SLCO1A2: variants seen among roughly 807,000 people sequenced by gnomAD.
SLCO1A2 encodes the protein solute carrier organic anion transporter family member 1A2.
Under a neutral mutation model 69.0 loss-of-function variants are expected in SLCO1A2, and 67 were observed. That is an observed-to-expected ratio of 0.97 (90% CI 0.80 to 1.19). The LOEUF is 1.19. Among genes scored for constraint, SLCO1A2 ranks in the 50% most tolerant of loss-of-function variants. The probability of loss-of-function intolerance (pLI) is 0.00; values close to 1 mark genes in which losing one functional copy is unlikely to be tolerated. For synonymous variants in SLCO1A2, 260 were observed against 265.9 expected (o/e 0.98, Z 0.22); for missense variants, 787 against 793.7 (o/e 0.99, Z 0.10).
upstream of SLCO1A2, among the ~76,000 whole-genome samples, chr12:21,398,785 C>A (rs1378294091): frequency 1.3e-5 from 2 of 149,838 alleles, no homozygotes; most frequent in Admixed American, 1.3e-4. Context: ...ACATGATTAT[C>A]TCAATAGATG....
chr12:21,308,980 A>G (rs1335191085), intron 4 of SLCO1A2, among the ~76,000 whole-genome samples: 1 of 152,240 alleles, frequency 6.6e-6, no homozygotes, highest in Non-Finnish European at 1.5e-5. Context: ...CCAGAGACCA[A>G]GAAGAAAGAT....
intron 4 of SLCO1A2, among the ~76,000 whole-genome samples, chr12:21,310,614 G>T (rs1374042745): frequency 6.6e-6 from 1 of 152,152 alleles, no homozygotes; most frequent in Non-Finnish European, 1.5e-5. Flanking sequence ...GTTGTTGTTT[G>T]TTTTTGAGAC....
chr12:21,392,458 A>G (rs1007735129), intron 1 of SLCO1A2, among the ~76,000 whole-genome samples: 4 of 152,182 alleles, frequency 2.6e-5, no homozygotes, highest in Admixed American at 2.0e-4. Flanking sequence ...TGTGTCTCCC[A>G]AACTGCAGAG....
chr12:21,402,100 T>G (rs991012876), intron 1 of SLCO1A2, among the ~76,000 whole-genome samples: 1 of 146,042 alleles, frequency 6.8e-6, no homozygotes, highest in Non-Finnish European at 1.5e-5. Flanking sequence ...AAAATAAGAG[T>G]AATGTTAGGT....
chr12:21,362,726 C>CA (rs1447870874), intron 2 of SLCO1A2, among the ~76,000 whole-genome samples: 3 of 151,476 alleles, frequency 2.0e-5, no homozygotes, highest in African/African-American at 7.3e-5. Context: ...AAATGGAAAA[C>CA]AAAAAAAGGC....
At chr12:21,398,557 G>A (rs1244029237), upstream of SLCO1A2, among the ~76,000 whole-genome samples, 3 of 151,896 alleles carry the variant, frequency 2.0e-5, no homozygotes, top group East Asian at 5.8e-4. Flanking sequence ...CCAAAGCCAG[G>A]CAGAGACACA....
chr12:21,362,626 C>T (rs902948292), intron 2 of SLCO1A2, among the ~76,000 whole-genome samples: 3 of 152,044 alleles, frequency 2.0e-5, no homozygotes, highest in African/African-American at 4.8e-5. Flanking sequence ...AGAGTCAAGA[C>T]GCATCAGTGT....
chr12:21,299,768 G>A (rs375633979), intron 8 of SLCO1A2, among the ~76,000 whole-genome samples: 8 of 113,792 alleles, frequency 7.0e-5, no homozygotes, highest in Admixed American at 6.7e-4. Flanking sequence ...ATATATACGT[G>A]TGTATATATA....
At chr12:21,419,467 C>T (rs1038075256), upstream of SLCO1A2, 1 of 153,060 alleles carries the variant, frequency 6.5e-6, no homozygotes, top group African/African-American at 2.4e-5. Flanking sequence ...CGGACGGCAC[C>T]TGGAAAATCG....
At chr12:21,282,334 A>G (rs948048084) in intron 12 of SLCO1A2, among the ~76,000 whole-genome samples, 1 of 152,106 alleles carries the variant, frequency 6.6e-6, no homozygotes, top group Admixed American at 6.5e-5. Flanking sequence ...GAATAAAACC[A>G]TATGATCATT....
chr12:21,343,965 A>C (rs1179036940), intron 2 of SLCO1A2, among the ~76,000 whole-genome samples: 2 of 152,154 alleles, frequency 1.3e-5, no homozygotes, highest in African/African-American at 2.4e-5. Context: ...TGGCTGAAGA[A>C]AAGCAAAGGA....
upstream of SLCO1A2, among the ~76,000 whole-genome samples, chr12:21,400,156 C>A (rs1288776430): frequency 1.3e-5 from 2 of 152,102 alleles, no homozygotes; most frequent in African/African-American, 2.4e-5. Context: ...CCAGAATCTA[C>A]AATGGGCTCA....
At chr12:21,305,922 C>A (rs999435698) in intron 5 of SLCO1A2, among the ~76,000 whole-genome samples, 1 of 152,228 alleles carries the variant, frequency 6.6e-6, no homozygotes, top group African/African-American at 2.4e-5. Flanking sequence ...TCAGAGTCAT[C>A]TCCAGACCAA....
chr12:21,347,475 CT>C (rs897612007), intron 2 of SLCO1A2, among the ~76,000 whole-genome samples: 4 of 151,826 alleles, frequency 2.6e-5, no homozygotes, highest in Non-Finnish European at 4.4e-5. Flanking sequence ...GTGAAACCCC[CT>C]CTCTACTAAA....
At chr12:21,274,268 T>C in intron 14 of SLCO1A2, 1 of 484,994 alleles carries the variant, frequency 2.1e-6, no homozygotes, top group Admixed American at 3.3e-5. Context: ...TATGCTTATA[T>C]TTACCAAGCA....
chr12:21,334,524 C>T, intron 2 of SLCO1A2, 64 bp downstream of exon 2: 1 of 1,193,008 alleles, frequency 8.4e-7, no homozygotes, highest in Non-Finnish European at 1.2e-6. Flanking sequence ...GCAATTTTAC[C>T]AGGACTGTCG....
At chr12:21,272,678 A>C (rs772507280) in intron 14 of SLCO1A2, among the ~76,000 whole-genome samples, 8 of 152,052 alleles carry the variant, frequency 5.3e-5, no homozygotes, top group Non-Finnish European at 8.8e-5. Flanking sequence ...TCTATCTCTT[A>C]CAAACAACAT....
chr12:21,323,714 C>T (rs142381747), intron 2 of SLCO1A2, among the ~76,000 whole-genome samples: 111 of 152,288 alleles, frequency 7.3e-4, no homozygotes, highest in Middle Eastern at 6.8e-3. Context: ...TTTAATTCTA[C>T]AAATAGCATG....
intron 1 of SLCO1A2, among the ~76,000 whole-genome samples, chr12:21,393,132 C>T (rs1315544960): frequency 6.6e-6 from 1 of 152,128 alleles, no homozygotes; most frequent in East Asian, 1.9e-4. Flanking sequence ...AGTTAATTTT[C>T]TAACAGAAGA....
Sources: allele counts gnomAD v4.1 joint callset (sites outside exome capture counted in the v4.1 genomes callset), GRCh38; gene constraint gnomAD v4.1.1; transcripts MANE v1.5; gene names NCBI Gene and HGNC (gene_info 2026-07-23, HGNC 2026-07-21).